GAB4: variants seen among roughly 807,000 people sequenced by gnomAD.
GAB4 encodes the protein GRB2 associated binding protein family member 4.
A neutral mutation model predicts 51.3 loss-of-function variants in GAB4; 26 were observed. The ratio of observed to expected loss-of-function variants is 0.51; its 90% CI spans 0.37 to 0.70. GAB4 has a LOEUF of 0.70. GAB4 is among the 30% of genes least tolerant of loss of function. The pLI, the probability that GAB4 is intolerant of heterozygous loss-of-function variation, is 0.00. For synonymous variants in GAB4, 329 were observed against 291.2 expected, an observed-to-expected ratio of 1.13 and a Z score of -1.32; for missense variants, 759 against 734.6, an observed-to-expected ratio of 1.03 and a Z score of -0.38.
chr22:16,990,913 G>A (rs2054750483), intron 2 of GAB4, among the ~76,000 whole-genome samples: 1 of 152,120 alleles, frequency 6.6e-6, no homozygotes, highest in South Asian at 2.1e-4. Flanking sequence ...ATTCTCACGA[G>A]AATGTGCAGG....
At chr22:16,996,662 C>T (rs2060951504) in intron 1 of GAB4, among the ~76,000 whole-genome samples, 1 of 151,980 alleles carries the variant, frequency 6.6e-6, no homozygotes, top group South Asian at 2.1e-4. Flanking sequence ...ATTCAACATT[C>T]TTTTTTATTA....
rs4819933 is a variant in GAB4, at chr22:16,983,139, C to G, written c.686+4821G>C. 2.1e-3 allele frequency among the ~76,000 whole-genome samples: 324 copies of G among 152,282 alleles called. 4 individuals are homozygous for G. Among genetic ancestry groups the G allele is most frequent in the East Asian group, 0.019 (98 of 5,180 alleles). On this transcript the variant is annotated intron_variant, in intron 3 of 9. Transcript: ENST00000400588. ...TGCTTCAAAGAAAATGCTAAACCGT[C>G]ACAGGTGTAGATCATGCGCTTGATG...
At chr22:16,963,982 G>C (rs2060650913) in intron 8 of GAB4, among the ~76,000 whole-genome samples, 153 bp from the exon 9 acceptor site, 1 of 152,146 alleles carries the variant, frequency 6.6e-6, no homozygotes, top group Non-Finnish European at 1.5e-5. Flanking sequence ...CCTTTCAGCA[G>C]TCCTGTGAGC....
In GAB4 at chr22:16,962,739, C is replaced by T; in HGVS notation, c.1719G>A (p.Lys573=). 1 of 1,610,804 alleles carries T rather than the reference C, an allele frequency of 6.2e-7. No homozygotes were observed. Among genetic ancestry groups the T allele is most frequent in the South Asian group, 1.1e-5 (1 of 90,956 alleles). ...CTGGTTTTGGTGGCCCGAGTCACAGCTTGGCGCCCCTGGGAGGCTCTGAGG... is the reference window on the plus strand; with the variant it reads ...CTGGTTTTGGTGGCCCGAGTCACAGTTTGGCGCCCCTGGGAGGCTCTGAGG... ...RQSSEPPRGA[K]L The change falls in exon 10 of 10, where the codon AAG becomes AAA. Residue 573 remains lysine, a synonymous_variant. Transcript: ENST00000400588.
chr22:16,971,102 G>A (rs1007263420), intron 3 of GAB4, among the ~76,000 whole-genome samples: 3 of 152,174 alleles, frequency 2.0e-5, no homozygotes, highest in Non-Finnish European at 2.9e-5. Context: ...GCTGAGGTGG[G>A]AGTATGGCTT....
chr22:16,978,600 G>C (rs554832654), intron 3 of GAB4, among the ~76,000 whole-genome samples: 16 of 152,252 alleles, frequency 1.1e-4, no homozygotes, highest in Non-Finnish European at 1.8e-4. Flanking sequence ...TTCTAGCAGA[G>C]GCACAAAGAG....
At chr22:16,989,011 C>T (rs1158188003) in intron 2 of GAB4, among the ~76,000 whole-genome samples, 1 of 152,172 alleles carries the variant, frequency 6.6e-6, no homozygotes, top group Non-Finnish European at 1.5e-5. Context: ...GGCCCATGTT[C>T]CCGTTACATG....
chr22:16,982,373 T>C (rs538035495), intron 3 of GAB4, among the ~76,000 whole-genome samples: 2 of 152,332 alleles, frequency 1.3e-5, no homozygotes, highest in Admixed American at 1.3e-4. Flanking sequence ...AGTATTTCTA[T>C]ATGTCAACAA....
chr22:16,993,815 C>T (rs1479435626), intron 1 of GAB4, among the ~76,000 whole-genome samples: 1 of 152,210 alleles, frequency 6.6e-6, no homozygotes, highest in Non-Finnish European at 1.5e-5. Flanking sequence ...TTCTTTGTTT[C>T]TTATTCCATG....
At chr22:17,003,174 C>A (rs1312059783) in intron 1 of GAB4, among the ~76,000 whole-genome samples, 15 of 152,196 alleles carry the variant, frequency 9.9e-5, no homozygotes, top group Non-Finnish European at 1.9e-4. Flanking sequence ...CACCCAGATT[C>A]ATAAGCAAGT....
intron 3 of GAB4, among the ~76,000 whole-genome samples, chr22:16,976,890 T>G (rs1480797903): frequency 6.6e-6 from 1 of 152,210 alleles, no homozygotes; most frequent in African/African-American, 2.4e-5. Context: ...AAAAGAATTT[T>G]CAACCCAGAA....
At chr22:17,001,781 T>A (rs1183802789) in intron 1 of GAB4, among the ~76,000 whole-genome samples, 1 of 152,106 alleles carries the variant, frequency 6.6e-6, no homozygotes, top group Non-Finnish European at 1.5e-5. Context: ...CAGAGGCAGG[T>A]AGGCCTCCTT....
At chr22:16,991,773 AC>A in intron 2 of GAB4, 99 bp downstream of exon 2, 1 of 1,021,554 alleles carries the variant, frequency 9.8e-7, no homozygotes, top group Non-Finnish European at 1.5e-6. Flanking sequence ...CGAGCCCAAC[AC>A]TTCTTGGCAG....
In GAB4 at chr22:16,987,952, C is replaced by T. The variant is rs1384867311; in HGVS notation, c.686+8G>A. Reference sequence around the variant, plus strand: ...TCACTGCCCCCACTGGCCATAGTAGCCCCCTACCTTGCATGTTCTGCTCTC... The same window carrying T: ...TCACTGCCCCCACTGGCCATAGTAGTCCCCTACCTTGCATGTTCTGCTCTC... On this transcript the variant is annotated splice_region_variant and intron_variant, in intron 3 of 9. Transcript: ENST00000400588. 6.3e-7 allele frequency: 1 copy of T among 1,587,998 alleles called. No homozygotes were observed. Among genetic ancestry groups the T allele is most frequent in the South Asian group, 1.1e-5 (1 of 87,492 alleles).
chr22:17,004,722 C>T (rs1346964408), intron 1 of GAB4, among the ~76,000 whole-genome samples: 1 of 151,890 alleles, frequency 6.6e-6, no homozygotes, highest in East Asian at 1.9e-4. Context: ...AAACGTAATC[C>T]GTCACATAAA....
At chr22:17,007,177 T>C (rs906076511) in intron 1 of GAB4, among the ~76,000 whole-genome samples, 4 of 152,232 alleles carry the variant, frequency 2.6e-5, no homozygotes, top group African/African-American at 9.6e-5. Context: ...CTCTTCTATG[T>C]ACCTTGGTAT....
intron 3 of GAB4, among the ~76,000 whole-genome samples, chr22:16,977,614 A>C (rs2060790340): frequency 6.6e-6 from 1 of 152,220 alleles, no homozygotes; most frequent in African/African-American, 2.4e-5. Context: ...TAGACTGATC[A>C]ATGAGACAGA....
intron 1 of GAB4, among the ~76,000 whole-genome samples, chr22:16,997,499 C>A (rs1167630404): frequency 6.6e-6 from 1 of 152,040 alleles, no homozygotes; most frequent in East Asian, 1.9e-4. Flanking sequence ...TTGATTTTTT[C>A]TTGTAAATTT....
At chr22:16,966,014 A>T in intron 6 of GAB4, 86 bp downstream of exon 6, 1 of 1,276,498 alleles carries the variant, frequency 7.8e-7, no homozygotes, top group Non-Finnish European at 1.1e-6. Context: ...CCAAAGTCAG[A>T]CGTTCCACAT....
Sources: gnomAD v4.1 joint callset for allele counts (sites outside exome capture counted in the v4.1 genomes callset) on GRCh38, gnomAD v4.1.1 for gene constraint, MANE v1.5 for transcripts, NCBI Gene and HGNC (gene_info 2026-07-23, HGNC 2026-07-21) for gene names.